The following CDH18 variants were observed in gnomAD, a reference collection of about 807,000 sequenced individuals.
The protein encoded by CDH18 is cadherin 18, also known as cadherin-18.
A neutral mutation model predicts 67.9 loss-of-function variants in CDH18; 31 were observed. That is an observed-to-expected ratio of 0.46 (90% CI 0.34 to 0.62). The LOEUF (loss-of-function observed/expected upper bound fraction) is 0.62, where lower values mean the gene tolerates loss of function less well. CDH18 is among the 20% of genes least tolerant of loss of function. The pLI is 0.01. For synonymous variants in CDH18, 362 were observed against 347.2 expected, an observed-to-expected ratio of 1.04 and a Z score of -0.48; for missense variants, 890 against 975.5, an observed-to-expected ratio of 0.91 and a Z score of 1.17.
intron 4 of CDH18, among the ~76,000 whole-genome samples, chr5:19,734,113 A>G (rs1767979141): frequency 6.6e-6 from 1 of 152,202 alleles, no homozygotes; most frequent in African/African-American, 2.4e-5. Flanking sequence ...GTTAATCATT[A>G]TTCTGTTTGT....
intron 2 of CDH18, among the ~76,000 whole-genome samples, chr5:20,023,231 A>C (rs920800315): frequency 6.6e-6 from 1 of 152,134 alleles, no homozygotes; most frequent in East Asian, 1.9e-4. Context: ...TCTCAAATCA[A>C]TTCCCACAAA....
chr5:19,967,015 C>G (rs1797513326), intron 2 of CDH18, among the ~76,000 whole-genome samples: 1 of 151,484 alleles, frequency 6.6e-6, no homozygotes, highest in Non-Finnish European at 1.5e-5. Flanking sequence ...TGCAACAAGA[C>G]CAGGTCTAGG....
intron 2 of CDH18, among the ~76,000 whole-genome samples, chr5:20,249,965 A>C (rs998601401): frequency 1.3e-5 from 2 of 152,154 alleles, no homozygotes; most frequent in African/African-American, 4.8e-5. Flanking sequence ...GATGAAAATT[A>C]CAAACATGAC....
intron 7 of CDH18, among the ~76,000 whole-genome samples, chr5:19,582,254 A>G (rs1184034046): frequency 6.6e-6 from 1 of 152,022 alleles, no homozygotes; most frequent in Non-Finnish European, 1.5e-5. Flanking sequence ...AAAATAATTA[A>G]AAATACCCAA....
chr5:20,434,500 G>T (rs1194067029), intron 1 of CDH18, among the ~76,000 whole-genome samples: 1 of 151,956 alleles, frequency 6.6e-6, no homozygotes, highest in Non-Finnish European at 1.5e-5. Context: ...GTGTATCTTG[G>T]TAACTGGAAG....
chr5:19,785,549 G>A (rs1404078834), intron 3 of CDH18, among the ~76,000 whole-genome samples: 5 of 147,346 alleles, frequency 3.4e-5, no homozygotes, highest in Non-Finnish European at 6.0e-5. Context: ...AGCTACTCAG[G>A]AGGCTAAGGC....
At chr5:20,544,121 C>G (rs566208242) in intron 1 of CDH18, among the ~76,000 whole-genome samples, 2 of 152,156 alleles carry the variant, frequency 1.3e-5, no homozygotes, top group Non-Finnish European at 2.9e-5. Context: ...ATTGCTGAAT[C>G]TGTTTCCCTC....
intron 5 of CDH18, among the ~76,000 whole-genome samples, chr5:19,714,584 G>A (rs1482526771): frequency 6.6e-6 from 1 of 150,504 alleles, no homozygotes; most frequent in Non-Finnish European, 1.5e-5. Context: ...TAGCTTTGAT[G>A]ATGACTACCT....
At chr5:19,985,543 T>C (rs1472049959) in intron 1 of CDH18, among the ~76,000 whole-genome samples, 1 of 151,942 alleles carries the variant, frequency 6.6e-6, no homozygotes, top group African/African-American at 2.4e-5. Flanking sequence ...TGGGATCTAG[T>C]GGGTAGAGAA....
At chr5:19,739,594 C>T (rs1181479289) in intron 4 of CDH18, among the ~76,000 whole-genome samples, 1 of 152,106 alleles carries the variant, frequency 6.6e-6, no homozygotes, top group Admixed American at 6.5e-5. Context: ...TTGGTTTGTA[C>T]AAAACACAAG....
chr5:20,564,469 G>A (rs537784670), intron 1 of CDH18, among the ~76,000 whole-genome samples: 15 of 151,874 alleles, frequency 9.9e-5, no homozygotes, highest in African/African-American at 3.6e-4. Context: ...AGTAGAGACG[G>A]GGTTTCACCA....
chr5:20,254,565 G>GCTCC (rs1744090198), intron 2 of CDH18, among the ~76,000 whole-genome samples: 1 of 152,202 alleles, frequency 6.6e-6, no homozygotes, highest in African/African-American at 2.4e-5. Flanking sequence ...AGGTCCTTAA[G>GCTCC]GGAGTACTAA....
intron 2 of CDH18, among the ~76,000 whole-genome samples, chr5:19,900,012 T>A (rs1236722308): frequency 6.6e-6 from 1 of 152,184 alleles, no homozygotes; most frequent in East Asian, 1.9e-4. Context: ...AGATCTGCTG[T>A]ACAACACTGT....
chr5:20,046,198 A>T (rs1740876561), intron 2 of CDH18, among the ~76,000 whole-genome samples: 1 of 151,996 alleles, frequency 6.6e-6, no homozygotes. Flanking sequence ...TTGAAGATAG[A>T]GCCCATGGAA....
intron 8 of CDH18, among the ~76,000 whole-genome samples, chr5:19,548,048 C>A (rs347736): frequency 0.87 from 131,790 of 152,144 alleles, 57,282 homozygotes; most frequent in Non-Finnish European, 0.91. Context: ...TTAATCAAAC[C>A]ATTAAAAAGA....
chr5:19,836,128 G>A (rs1781595686), intron 3 of CDH18, among the ~76,000 whole-genome samples: 1 of 152,100 alleles, frequency 6.6e-6, no homozygotes, highest in Non-Finnish European at 1.5e-5. Flanking sequence ...AAAATTTTAA[G>A]AAATATGCAT....
At chr5:19,859,087 G>A (rs913881723) in intron 2 of CDH18, among the ~76,000 whole-genome samples, 9 of 151,948 alleles carry the variant, frequency 5.9e-5, no homozygotes, top group African/African-American at 2.2e-4. Flanking sequence ...CAAAATCAAC[G>A]CCATTGTAAA....
intron 1 of CDH18, among the ~76,000 whole-genome samples, chr5:20,332,408 A>G (rs938017015): frequency 6.6e-6 from 1 of 152,196 alleles, no homozygotes; most frequent in African/African-American, 2.4e-5. Context: ...GAATAGACAT[A>G]TAAAATCATT....
rs554817929 is a variant in CDH18 at position 20,387,619 on chromosome 5, T to A, written c.-579-132114A>T. Among the ~76,000 whole-genome samples, 631 of 152,138 alleles carry A rather than the reference T, an allele frequency of 4.1e-3. 8 individuals carry two copies. The highest frequency in any genetic ancestry group is 0.014 in the African/African-American group (595 of 41,516). On this transcript the variant is annotated intron_variant, in intron 1 of 14. Coordinates refer to the CDH18 transcript ENST00000507958. Reference sequence around the variant, plus strand: ...CCAACACTATGTTGAATAGGAGTGGTGAGAGAGGGCATCCCTGTCTTGTGC... The same window carrying A: ...CCAACACTATGTTGAATAGGAGTGGAGAGAGAGGGCATCCCTGTCTTGTGC...
Sources: allele counts gnomAD v4.1 joint callset (sites outside exome capture counted in the v4.1 genomes callset), GRCh38; gene constraint gnomAD v4.1.1; transcripts MANE v1.5; gene names NCBI Gene and HGNC (gene_info 2026-07-23, HGNC 2026-07-21).